MYRIP: variants seen among roughly 807,000 people sequenced by gnomAD.
The protein encoded by MYRIP is rab effector MyRIP.
A neutral mutation model predicts 98.0 loss-of-function variants in MYRIP; 49 were observed. The ratio of observed to expected loss-of-function variants is 0.50; its 90% CI spans 0.40 to 0.63. MYRIP has a LOEUF of 0.63. Among genes scored for constraint, MYRIP ranks in the 30% least tolerant of loss-of-function variants. MYRIP has a pLI of 0.00. For missense variants in MYRIP, 1,004 were observed against 1,058.2 expected, an observed-to-expected ratio of 0.95 and a Z score of 0.71; for synonymous variants, 404 against 409.5, an observed-to-expected ratio of 0.99 and a Z score of 0.16.
At position 40,217,659 on chromosome 3, in the gene MYRIP, G is replaced by A. The variant is rs183043107; in HGVS notation, c.1905+7566G>A. Among the ~76,000 whole-genome samples, 248 of 152,228 alleles carry A rather than the reference G, an allele frequency of 1.6e-3. 3 individuals carry two copies. Among genetic ancestry groups the A allele is most frequent in the Middle Eastern group, 0.01 (3 of 294 alleles). On this transcript the variant is annotated intron_variant, in intron 11 of 16. Transcript: ENST00000302541. ...TTGGGGATTGCAGACCTTTTTACAA[G>A]TTTGATGAACATTGTGAACCCGCTC...
chr3:40,018,771 A>G (rs191354552), intron 2 of MYRIP, among the ~76,000 whole-genome samples: 36 of 152,300 alleles, frequency 2.4e-4, no homozygotes, highest in Admixed American at 5.2e-4. Flanking sequence ...TCCATAGGCA[A>G]TGCTTCTAAC....
At chr3:40,235,465 A>T (rs1015795199) in intron 12 of MYRIP, among the ~76,000 whole-genome samples, 6 of 152,240 alleles carry the variant, frequency 3.9e-5, no homozygotes, top group African/African-American at 1.4e-4. Context: ...TGGGTTGTTA[A>T]AAGTGGTTCC....
chr3:39,993,734 C>T (rs1350492327), intron 2 of MYRIP, among the ~76,000 whole-genome samples: 1 of 152,192 alleles, frequency 6.6e-6, no homozygotes, highest in Non-Finnish European at 1.5e-5. Context: ...CTTCCCCCTT[C>T]GAAGCAGATA....
intron 3 of MYRIP, among the ~76,000 whole-genome samples, chr3:40,103,560 A>C (rs1948993278): frequency 6.6e-6 from 1 of 152,226 alleles, no homozygotes; most frequent in Non-Finnish European, 1.5e-5. Context: ...GGAGCTCGAG[A>C]CCAGCCTGAC....
At chr3:40,065,692 A>G (rs1948113110) in intron 3 of MYRIP, among the ~76,000 whole-genome samples, 1 of 152,222 alleles carries the variant, frequency 6.6e-6, no homozygotes, top group Non-Finnish European at 1.5e-5. Context: ...CTTTAATCTT[A>G]GAAAGCATTT....
At chr3:40,125,127 G>A (rs867251935) in intron 3 of MYRIP, among the ~76,000 whole-genome samples, 1 of 152,258 alleles carries the variant, frequency 6.6e-6, no homozygotes, top group Non-Finnish European at 1.5e-5. Context: ...ATGTGATCCA[G>A]TGGAGGCATG....
intron 3 of MYRIP, among the ~76,000 whole-genome samples, chr3:40,084,226 A>G (rs1484436605): frequency 6.8e-6 from 1 of 146,842 alleles, no homozygotes; most frequent in Non-Finnish European, 1.5e-5. Flanking sequence ...TATATATATT[A>G]TATATGTAAA....
At chr3:39,820,342 T>C (rs1299570759) in intron 1 of MYRIP, among the ~76,000 whole-genome samples, 2 of 151,796 alleles carry the variant, frequency 1.3e-5, no homozygotes. Flanking sequence ...GGTGAAATCT[T>C]TGGGGAAAAG....
intron 1 of MYRIP, among the ~76,000 whole-genome samples, chr3:39,830,042 C>A (rs1386123230): frequency 1.3e-5 from 2 of 152,170 alleles, no homozygotes; most frequent in Non-Finnish European, 2.9e-5. Flanking sequence ...TGTTCTCTGA[C>A]AACCAATCTT....
At chr3:39,824,291 C>T (rs1420926280) in intron 1 of MYRIP, among the ~76,000 whole-genome samples, 2 of 152,104 alleles carry the variant, frequency 1.3e-5, no homozygotes, top group African/African-American at 4.8e-5. Context: ...AGTGTGATGT[C>T]TCCAGCATTG....
intron 3 of MYRIP, among the ~76,000 whole-genome samples, chr3:40,072,075 C>T (rs1208046737): frequency 2.0e-5 from 3 of 152,176 alleles, no homozygotes; most frequent in Non-Finnish European, 4.4e-5. Context: ...GATTTTTCTG[C>T]AGTTTATTCA....
At position 40,258,876 on chromosome 3, in the gene MYRIP, A is replaced by G. The variant is rs1233661888; in HGVS notation, c.*710A>G. Reference sequence around the variant, plus strand: ...TATCTGAAACAATGTCTCATTAAGAATTTAGGGTTCTTCCATGGGCTTACT... The same window carrying G: ...TATCTGAAACAATGTCTCATTAAGAGTTTAGGGTTCTTCCATGGGCTTACT... On this transcript the variant is annotated 3_prime_UTR_variant, in exon 17 of 17. Transcript: ENST00000302541. 6.6e-6 allele frequency: 1 copy of G among 152,380 alleles called. No homozygotes were observed. Among genetic ancestry groups the G allele is most frequent in the East Asian group, 1.9e-4 (1 of 5,202 alleles). The allele number at this position is 152,380 out of a possible 1,614,324, so 9.4% of individuals were successfully genotyped here. A position where few individuals can be genotyped will look rare whatever the true frequency, so the allele number is the denominator to read the frequency against.
At chr3:39,877,858 C>T (rs1943045107) in intron 1 of MYRIP, among the ~76,000 whole-genome samples, 1 of 152,148 alleles carries the variant, frequency 6.6e-6, no homozygotes, top group Non-Finnish European at 1.5e-5. Flanking sequence ...CTGGGAGAAC[C>T]ACTGCTCTCT....
chr3:40,236,312 C>T (rs1380492090), intron 12 of MYRIP, among the ~76,000 whole-genome samples: 1 of 152,142 alleles, frequency 6.6e-6, no homozygotes, highest in Non-Finnish European at 1.5e-5. Flanking sequence ...ATAATACATC[C>T]TCATTATTTA....
intron 2 of MYRIP, among the ~76,000 whole-genome samples, chr3:39,909,699 G>A (rs945216761): frequency 3.9e-5 from 6 of 152,146 alleles, no homozygotes; most frequent in African/African-American, 1.2e-4. Flanking sequence ...CCTGGGTAAA[G>A]TAATATGGAT....
intron 2 of MYRIP, among the ~76,000 whole-genome samples, chr3:39,976,669 G>T (rs1945760343): frequency 6.6e-6 from 1 of 152,140 alleles, no homozygotes; most frequent in African/African-American, 2.4e-5. Context: ...TGATAGAGTG[G>T]ATTTAGAAAA....
intron 11 of MYRIP, among the ~76,000 whole-genome samples, chr3:40,227,728 C>A (rs527492948): frequency 5.2e-4 from 79 of 152,286 alleles, no homozygotes; most frequent in Non-Finnish European, 9.4e-4. Flanking sequence ...CAGGCACTCA[C>A]CAGCATTGTG....
At chr3:40,133,489 G>T (rs1209085630) in intron 3 of MYRIP, among the ~76,000 whole-genome samples, 4 of 152,178 alleles carry the variant, frequency 2.6e-5, no homozygotes, top group Admixed American at 2.6e-4. Context: ...GTGCTGTGAG[G>T]TGTTGTGATA....
intron 2 of MYRIP, among the ~76,000 whole-genome samples, chr3:39,967,770 A>T (rs1224223995): frequency 6.6e-6 from 1 of 151,990 alleles, no homozygotes; most frequent in Non-Finnish European, 1.5e-5. Flanking sequence ...TTTAATAATA[A>T]CCATTCTGAT....
Sources: allele counts gnomAD v4.1 joint callset (sites outside exome capture counted in the v4.1 genomes callset), GRCh38; gene constraint gnomAD v4.1.1; transcripts MANE v1.5; gene names NCBI Gene and HGNC (gene_info 2026-07-23, HGNC 2026-07-21).